SPRY3: variants seen among roughly 807,000 people sequenced by gnomAD.
SPRY3 encodes sprouty RTK signaling antagonist 3.
A neutral mutation model predicts 20.2 loss-of-function variants in SPRY3; 15 were observed. The observed-to-expected ratio is 0.74, with a 90% CI of 0.50 to 1.14. The LOEUF is 1.14. Among genes scored for constraint, SPRY3 ranks in the 50% most tolerant of loss-of-function variants. SPRY3 has a pLI of 0.00. For missense variants in SPRY3, 364 were observed against 363.9 expected (o/e 1.00, Z 0.00); for synonymous variants, 143 against 136.5 (o/e 1.05, Z -0.33).
chrX:155,633,781 A>C (rs1603115629), intron 1 of SPRY3, among the ~76,000 whole-genome samples: 1 of 112,060 alleles, frequency 8.9e-6, no homozygotes, highest in South Asian at 3.7e-4. Flanking sequence ...ACACATTCAG[A>C]CAGTGGCAGA....
At chrX:155,782,189 T>C (rs1257593797) in exon 2 of SPRY3, 1 of 166,954 alleles carries the variant, frequency 6.0e-6, no homozygotes, top group Non-Finnish European at 1.5e-5. Flanking sequence ...GGAGCTTCTT[T>C]TGTAGAAGCC....
At chrX:155,756,636 T>C (rs2091284351) in intron 2 of SPRY3, among the ~76,000 whole-genome samples, 1 of 152,082 alleles carries the variant, frequency 6.6e-6, no homozygotes, top group Admixed American at 6.6e-5. Flanking sequence ...AATTCATGAT[T>C]TGAGCCATCA....
intron 2 of SPRY3, among the ~76,000 whole-genome samples, chrX:155,673,675 AT>A (rs1557355018): frequency 1.8e-5 from 2 of 111,789 alleles, no homozygotes; most frequent in African/African-American, 6.5e-5. Flanking sequence ...CCTCCTTGGA[AT>A]TTTTCTATTT....
At chrX:155,758,753 A>C (rs1235691112) in intron 2 of SPRY3, among the ~76,000 whole-genome samples, 1 of 152,170 alleles carries the variant, frequency 6.6e-6, no homozygotes. Context: ...GTTATAAGAG[A>C]GAATTGATTG....
intron 1 of SPRY3, among the ~76,000 whole-genome samples, chrX:155,613,233 G>T (rs1304412965): frequency 8.9e-6 from 1 of 111,954 alleles, no homozygotes. Flanking sequence ...TTTACTAGAA[G>T]TAAAATTCTA....
chrX:155,688,401 G>A (rs1010644785), intron 2 of SPRY3, among the ~76,000 whole-genome samples: 16 of 110,624 alleles, frequency 1.4e-4, no homozygotes, highest in African/African-American at 5.3e-4. Context: ...GTATATACCC[G>A]GTAATGGAAT....
At chrX:155,626,639 G>T (rs144445423) in intron 1 of SPRY3, among the ~76,000 whole-genome samples, 16 of 111,719 alleles carry the variant, frequency 1.4e-4, no homozygotes, top group Non-Finnish European at 2.3e-4. Context: ...ATAGTCATAA[G>T]GAGTTACATC....
chrX:155,778,785 G>C (rs1273518201), downstream of SPRY3: 1 of 167,042 alleles, frequency 6.0e-6, no homozygotes, highest in Non-Finnish European at 1.5e-5. Context: ...GGGATGCACA[G>C]AGAGGGAAAA....
chrX:155,630,464 C>T (rs782514946), intron 1 of SPRY3, among the ~76,000 whole-genome samples: 4 of 111,532 alleles, frequency 3.6e-5, no homozygotes, highest in Admixed American at 9.5e-5. Context: ...CTTTATATTT[C>T]CTTCATTTCT....
intron 2 of SPRY3, among the ~76,000 whole-genome samples, chrX:155,740,525 TG>T (rs1364908715): frequency 1.3e-5 from 2 of 152,172 alleles, no homozygotes; most frequent in African/African-American, 4.8e-5. Context: ...TGGGAGTGTC[TG>T]TCTTATGTGG....
At chrX:155,628,526 C>G (rs1305795139) in intron 1 of SPRY3, among the ~76,000 whole-genome samples, 1 of 112,254 alleles carries the variant, frequency 8.9e-6, no homozygotes, top group Non-Finnish European at 1.9e-5. Context: ...TGAACAGACA[C>G]TTCTCAAAAG....
chrX:155,774,743 C>A, exon 4 of SPRY3: 1 of 1,604,700 alleles, frequency 6.2e-7, no homozygotes, highest in Non-Finnish European at 8.5e-7. Flanking sequence ...GTATGACCTT[C>A]CAACAAGGTG....
intron 2 of SPRY3, among the ~76,000 whole-genome samples, chrX:155,767,331 C>G (rs890539951): frequency 2.6e-5 from 4 of 152,094 alleles, no homozygotes; most frequent in African/African-American, 9.7e-5. Flanking sequence ...TCTACATTCA[C>G]AAAACGGCCA....
chrX:155,682,096 C>T (rs1461485526), intron 2 of SPRY3, among the ~76,000 whole-genome samples: 1 of 112,427 alleles, frequency 8.9e-6, no homozygotes, highest in East Asian at 2.8e-4. Flanking sequence ...TAAGGACAGG[C>T]TGACTCTCTT....
downstream of SPRY3, chrX:155,778,100 T>A (rs2124036240): frequency 6.0e-6 from 1 of 167,112 alleles, no homozygotes; most frequent in African/African-American, 2.4e-5. Flanking sequence ...AGAAGTTAAG[T>A]GACTTGCCAA....
intron 2 of SPRY3, among the ~76,000 whole-genome samples, chrX:155,668,679 C>T (rs1314431724): frequency 9.0e-6 from 1 of 110,781 alleles, no homozygotes; most frequent in African/African-American, 3.3e-5. Context: ...TCAACACCAT[C>T]CTCAGATTCC....
chrX:155,766,455 C>G (rs1210134699), intron 2 of SPRY3, among the ~76,000 whole-genome samples: 1 of 152,172 alleles, frequency 6.6e-6, no homozygotes, highest in African/African-American at 2.4e-5. Context: ...TTTCCTGACT[C>G]ACACAGTTTG....
chrX:155,767,361 C>G (rs1020787434), intron 2 of SPRY3, among the ~76,000 whole-genome samples: 1 of 152,118 alleles, frequency 6.6e-6, no homozygotes, highest in Non-Finnish European at 1.5e-5. Context: ...GCTGAACACA[C>G]TGCCAACTCA....
intron 3 of SPRY3, among the ~76,000 whole-genome samples, chrX:155,772,793 TG>T (rs1484504092): frequency 2.0e-5 from 3 of 152,088 alleles, no homozygotes; most frequent in Non-Finnish European, 4.4e-5. Flanking sequence ...AGCTTAAATA[TG>T]GTATAAGAAT....
Sources: allele counts gnomAD v4.1 joint callset (sites outside exome capture counted in the v4.1 genomes callset), GRCh38; gene constraint gnomAD v4.1.1; transcripts MANE v1.5; gene names NCBI Gene and HGNC (gene_info 2026-07-23, HGNC 2026-07-21).